MARCHF3: variants seen among roughly 807,000 people sequenced by gnomAD.
MARCHF3 encodes the protein membrane associated ring-CH-type finger 3.
In MARCHF3, 13 loss-of-function variants were observed where a neutral mutation model predicts 24.2. The observed-to-expected ratio is 0.54, with a 90% confidence interval of 0.35 to 0.85. The LOEUF (loss-of-function observed/expected upper bound fraction) is 0.85. MARCHF3 is among the 40% of genes least tolerant of loss of function. The pLI is 0.01. For missense variants in MARCHF3, 276 were observed against 325.0 expected (o/e 0.85, Z 1.16); for synonymous variants, 144 against 137.3 (o/e 1.05, Z -0.34).
intron 1 of MARCHF3, among the ~76,000 whole-genome samples, chr5:126,971,223 G>T (rs1750997549): frequency 6.6e-6 from 1 of 152,036 alleles, no homozygotes; most frequent in African/African-American, 2.4e-5. Flanking sequence ...GCCGAGGCGG[G>T]CAGATCATGA....
chr5:126,913,744 G>C (rs1349768590), intron 3 of MARCHF3, among the ~76,000 whole-genome samples: 1 of 152,198 alleles, frequency 6.6e-6, no homozygotes, highest in East Asian at 1.9e-4. Context: ...TGTATACACA[G>C]AGCTACAAAG....
chr5:127,024,192 G>C (rs747008027), intron 1 of MARCHF3, among the ~76,000 whole-genome samples: 2 of 152,238 alleles, frequency 1.3e-5, no homozygotes, highest in Non-Finnish European at 2.9e-5. Flanking sequence ...AGTAGGAATG[G>C]ATGATATAAT....
chr5:126,977,991 G>A (rs1243745181), intron 1 of MARCHF3, among the ~76,000 whole-genome samples: 2 of 152,172 alleles, frequency 1.3e-5, no homozygotes, highest in East Asian at 3.8e-4. Context: ...GAAGCTGAGG[G>A]AGCTATATTC....
chr5:126,985,708 C>T (rs988167076), intron 1 of MARCHF3, among the ~76,000 whole-genome samples: 1 of 152,122 alleles, frequency 6.6e-6, no homozygotes, highest in Non-Finnish European at 1.5e-5. Context: ...ATCTCCTGAC[C>T]TCGTGATCCA....
At chr5:126,968,738 C>A (rs1750899911) in intron 1 of MARCHF3, among the ~76,000 whole-genome samples, 1 of 152,108 alleles carries the variant, frequency 6.6e-6, no homozygotes, top group Non-Finnish European at 1.5e-5. Context: ...GCAAGCCCAG[C>A]TAATTTTTGT....
At chr5:126,915,724 A>G (rs976232830) in intron 2 of MARCHF3, among the ~76,000 whole-genome samples, 5 of 152,180 alleles carry the variant, frequency 3.3e-5, no homozygotes, top group Non-Finnish European at 7.3e-5. Flanking sequence ...CAAAGATACC[A>G]AACTGAAAGC....
chr5:127,023,871 A>G (rs1403633932), intron 1 of MARCHF3, among the ~76,000 whole-genome samples: 2 of 152,164 alleles, frequency 1.3e-5, no homozygotes, highest in Non-Finnish European at 2.9e-5. Flanking sequence ...GTCAAGCACC[A>G]TTTTGCTCTT....
intron 3 of MARCHF3, among the ~76,000 whole-genome samples, chr5:126,888,695 GAATA>G (rs915963032): frequency 6.6e-6 from 1 of 152,206 alleles, no homozygotes; most frequent in African/African-American, 2.4e-5. Flanking sequence ...GAAGTTTTTA[GAATA>G]AATTGATAAA....
chr5:127,017,852 G>A (rs918099220), intron 1 of MARCHF3, among the ~76,000 whole-genome samples: 1 of 152,094 alleles, frequency 6.6e-6, no homozygotes, highest in Non-Finnish European at 1.5e-5. Flanking sequence ...AAAAAAATCT[G>A]AGAGGGATAT....
At chr5:126,962,834 C>CGTGT (rs10635460) in intron 1 of MARCHF3, among the ~76,000 whole-genome samples, 115,916 of 147,490 alleles carry the variant, frequency 0.79, 46,931 homozygotes, top group Non-Finnish European at 0.91. Flanking sequence ...TGTGTGTGTG[C>CGTGT]GTGTGTGTGT....
chr5:126,906,758 C>T (rs1754313821), intron 3 of MARCHF3, among the ~76,000 whole-genome samples: 1 of 152,060 alleles, frequency 6.6e-6, no homozygotes, highest in African/African-American at 2.4e-5. Context: ...TTGATCCTTT[C>T]AAAAAACCAG....
intron 1 of MARCHF3, among the ~76,000 whole-genome samples, chr5:126,921,129 A>G (rs1265900071): frequency 1.3e-5 from 2 of 151,972 alleles, no homozygotes; most frequent in Non-Finnish European, 2.9e-5. Context: ...AAAACATACC[A>G]GCATGTCTTA....
chr5:126,923,063 A>G (rs1370706774), intron 1 of MARCHF3, among the ~76,000 whole-genome samples: 1 of 152,192 alleles, frequency 6.6e-6, no homozygotes, highest in Non-Finnish European at 1.5e-5. Flanking sequence ...GAAAATGCTT[A>G]ATAAAGATAT....
At chr5:126,909,786 C>T (rs1754452734) in intron 3 of MARCHF3, among the ~76,000 whole-genome samples, 1 of 152,186 alleles carries the variant, frequency 6.6e-6, no homozygotes, top group Non-Finnish European at 1.5e-5. Context: ...GTTGCTCACG[C>T]TGGGAGCTGT....
chr5:126,966,952 A>T (rs1445096502), intron 1 of MARCHF3, among the ~76,000 whole-genome samples: 339 of 15,232 alleles, frequency 0.022, 1 homozygote, highest in Middle Eastern at 0.14. Context: ...TTTTGCTATT[A>T]CCTATTTTCC....
chr5:126,873,657 G>T (rs1306668824), intron 4 of MARCHF3, among the ~76,000 whole-genome samples: 6 of 152,206 alleles, frequency 3.9e-5, no homozygotes, highest in Non-Finnish European at 8.8e-5. Flanking sequence ...GACTTAGCAG[G>T]TCTCCTGGTT....
intron 1 of MARCHF3, among the ~76,000 whole-genome samples, chr5:127,023,559 G>A (rs189235549): frequency 9.4e-4 from 143 of 151,708 alleles, no homozygotes; most frequent in Non-Finnish European, 1.5e-3. Context: ...GGCGAAACCC[G>A]ATTTCTACTA....
chr5:126,933,611 A>AT (rs1580657769), intron 1 of MARCHF3, among the ~76,000 whole-genome samples: 3 of 151,756 alleles, frequency 2.0e-5, no homozygotes, highest in Admixed American at 6.6e-5. Flanking sequence ...CGCTCGGCTA[A>AT]TTTTTTGTAT....
intron 3 of MARCHF3, among the ~76,000 whole-genome samples, chr5:126,906,287 T>A (rs1754293577): frequency 6.6e-6 from 1 of 152,120 alleles, no homozygotes; most frequent in Admixed American, 6.5e-5. Flanking sequence ...CTTTTTTGGT[T>A]GTGTCTCTGT....
Sources: gnomAD v4.1 joint callset for allele counts (sites outside exome capture counted in the v4.1 genomes callset) on GRCh38, gnomAD v4.1.1 for gene constraint, MANE v1.5 for transcripts, NCBI Gene and HGNC (gene_info 2026-07-23, HGNC 2026-07-21) for gene names.